The following SNX29 variants were observed in gnomAD, a reference collection of about 807,000 sequenced individuals.
SNX29 encodes the protein sorting nexin 29.
Under a neutral mutation model 102.1 loss-of-function variants are expected in SNX29, and 78 were observed. The observed-to-expected ratio is 0.76, with a 90% CI of 0.64 to 0.92. SNX29 has a LOEUF of 0.92. SNX29 is among the 40% of genes least tolerant of loss of function. The pLI is 0.00. For missense variants in SNX29, 1,280 were observed against 1,061.7 expected (o/e 1.21, Z -2.86); for synonymous variants, 580 against 414.5 (o/e 1.40, Z -4.85).
chr16:12,012,664 C>T (rs2056692989), intron 3 of SNX29, among the ~76,000 whole-genome samples: 1 of 152,082 alleles, frequency 6.6e-6, no homozygotes, highest in Non-Finnish European at 1.5e-5. Flanking sequence ...GCCTCGGCCT[C>T]CCAAAGTGCT....
At chr16:12,150,861 T>G (rs532326247) in intron 13 of SNX29, among the ~76,000 whole-genome samples, 15 of 152,314 alleles carry the variant, frequency 9.8e-5, no homozygotes, top group African/African-American at 3.4e-4. Flanking sequence ...TACGGTCATT[T>G]AACAGACAGA....
chr16:12,428,232 C>G (rs2085162353), intron 18 of SNX29, among the ~76,000 whole-genome samples: 1 of 152,150 alleles, frequency 6.6e-6, no homozygotes, highest in Non-Finnish European at 1.5e-5. Flanking sequence ...TGCATTTGGA[C>G]TGCAAATAAG....
intron 1 of SNX29, among the ~76,000 whole-genome samples, chr16:11,981,772 C>G (rs1487116039): frequency 6.6e-6 from 1 of 152,076 alleles, no homozygotes; most frequent in Non-Finnish European, 1.5e-5. Context: ...CCAGAAACAA[C>G]TAAGATGACC....
chr16:12,366,794 T>C (rs2082499622), intron 16 of SNX29, among the ~76,000 whole-genome samples: 1 of 152,064 alleles, frequency 6.6e-6, no homozygotes, highest in Non-Finnish European at 1.5e-5. Flanking sequence ...TCTCCCTCTC[T>C]CTCCTTTTGT....
At chr16:12,010,119 G>T (rs2056597947) in intron 3 of SNX29, among the ~76,000 whole-genome samples, 3 of 152,194 alleles carry the variant, frequency 2.0e-5, no homozygotes, top group Admixed American at 2.0e-4. Flanking sequence ...ACTTCAGAGG[G>T]TTGTTATGAG....
At chr16:12,504,240 T>C (rs552389759) in intron 19 of SNX29, among the ~76,000 whole-genome samples, 1 of 152,356 alleles carries the variant, frequency 6.6e-6, no homozygotes, top group East Asian at 1.9e-4. Context: ...TCATTCCTTT[T>C]TTAAAAGATA....
chr16:12,251,115 T>A (rs2078408085), intron 14 of SNX29, among the ~76,000 whole-genome samples: 1 of 152,184 alleles, frequency 6.6e-6, no homozygotes, highest in African/African-American at 2.4e-5. Context: ...AAGGCAAACT[T>A]CCTGGGTTGG....
intron 16 of SNX29, among the ~76,000 whole-genome samples, chr16:12,387,576 A>G (rs1412890059): frequency 6.6e-6 from 1 of 152,180 alleles, no homozygotes; most frequent in African/African-American, 2.4e-5. Context: ...TTGAGTGCTT[A>G]TTATTGTGCA....
chr16:12,231,187 T>A (rs959831827), intron 14 of SNX29, among the ~76,000 whole-genome samples: 2 of 152,080 alleles, frequency 1.3e-5, no homozygotes, highest in African/African-American at 4.8e-5. Context: ...ACTGTCTGAT[T>A]AGGAAACAGA....
intron 4 of SNX29, among the ~76,000 whole-genome samples, chr16:12,032,283 C>T (rs1236398426): frequency 6.6e-6 from 1 of 151,332 alleles, no homozygotes; most frequent in African/African-American, 2.4e-5. Context: ...TCTCAGCTCA[C>T]CACAACCTCC....
At chr16:12,462,363 A>G (rs892173109) in intron 18 of SNX29, among the ~76,000 whole-genome samples, 4 of 152,062 alleles carry the variant, frequency 2.6e-5, no homozygotes, top group African/African-American at 7.2e-5. Context: ...GTATCTGGGG[A>G]GAAGAGGGAG....
At position 12,572,179 on chromosome 16, in the gene SNX29, T is replaced by C. The variant is rs2141592866; in HGVS notation, c.*3550T>C. 3 of 973,602 alleles carry C rather than the reference T, an allele frequency of 3.1e-6. No individual in the cohort carries two copies. The highest frequency in any genetic ancestry group is 3.8e-6 in the Non-Finnish European group (3 of 796,588). The allele number at this position is 973,602 out of a possible 1,614,324, so 60.3% of individuals were successfully genotyped here. Reference sequence around the variant, plus strand: ...CAATTTTGATAACCATGTAATTTCTTAGAACCATGGCAGGTAGTATTGTGC... The same window carrying C: ...CAATTTTGATAACCATGTAATTTCTCAGAACCATGGCAGGTAGTATTGTGC... On this transcript the variant is annotated 3_prime_UTR_variant, in exon 21 of 21. Coordinates refer to ENST00000566228, the MANE Select transcript of SNX29 (RefSeq NM_032167.5).
intron 19 of SNX29, among the ~76,000 whole-genome samples, chr16:12,522,885 A>T (rs887759798): frequency 6.6e-6 from 1 of 152,128 alleles, no homozygotes; most frequent in East Asian, 1.9e-4. Flanking sequence ...ATCATAGTGC[A>T]CCGTGCACTC....
At chr16:12,491,352 C>T (rs1406397527) in intron 19 of SNX29, among the ~76,000 whole-genome samples, 1 of 152,202 alleles carries the variant, frequency 6.6e-6, no homozygotes, top group Non-Finnish European at 1.5e-5. Flanking sequence ...CCAAATTGTA[C>T]TCCAAGATGG....
At chr16:12,084,662 C>T (rs1001030493) in intron 11 of SNX29, among the ~76,000 whole-genome samples, 4 of 152,174 alleles carry the variant, frequency 2.6e-5, no homozygotes, top group Admixed American at 2.6e-4. Context: ...TGGCCCCAGC[C>T]CCCTCAGTAC....
rs189730227 is a variant in SNX29 at position 11,986,281 on chromosome 16, C to T, written c.7+9468C>T. Among the ~76,000 whole-genome samples the T allele has an allele frequency of 7.9e-5, 12 of 151,556 alleles. No individual in the cohort carries two copies. The East Asian group carries it at 1.2e-3, about 15-fold the overall frequency. ...TCCTCTGCTCACCCAGGCAGTACCCCGCTTCCTCCGAGGAGGGAAACTTGC... is the reference window on the plus strand; with the variant it reads ...TCCTCTGCTCACCCAGGCAGTACCCTGCTTCCTCCGAGGAGGGAAACTTGC... On this transcript the variant is annotated intron_variant, in intron 1 of 20. Transcript: ENST00000566228.
Position 12,568,413 on chromosome 16 carries a change from C to G in SNX29, c.2319-93C>G, listed in dbSNP as rs77085728. The G allele has an allele frequency of 5.9e-6, 9 of 1,520,486 alleles. No individual in the cohort carries two copies. The Admixed American group carries it at 7.5e-5, about 13-fold the overall frequency. The allele number at this position is 1,520,486 out of a possible 1,614,324, so 94.2% of individuals were successfully genotyped here. A position where few individuals can be genotyped will look rare whatever the true frequency, so the allele number is the denominator to read the frequency against. On this transcript the variant is annotated intron_variant, in intron 20 of 20. Transcript: ENST00000566228. ...AGCCAGTCACAGTTGCCAATCAGAT[C>G]CCTCCTGCCCTCACACCTGGCTCCC...
intron 18 of SNX29, among the ~76,000 whole-genome samples, chr16:12,427,477 C>G (rs1045620073): frequency 4.0e-5 from 6 of 151,612 alleles, no homozygotes; most frequent in Non-Finnish European, 7.4e-5. Context: ...CTCAGTTTAC[C>G]TTGAAGCCAG....
rs895594668 is a variant in SNX29 at position 12,267,370 on chromosome 16, G to T, written c.1679-10563G>T. Among the ~76,000 whole-genome samples, 15 of 152,056 alleles carry T rather than the reference G, an allele frequency of 9.9e-5. 1 individual carries two copies. Among genetic ancestry groups the T allele is most frequent in the African/African-American group, 3.6e-4 (15 of 41,402 alleles). On this transcript the variant is annotated intron_variant, in intron 14 of 20. Coordinates refer to ENST00000566228, the MANE Select transcript of SNX29 (RefSeq NM_032167.5). ...AGCAGGCTGGGGTTTTCATCACTGG[G>T]TTCATCATTGACAGCATTTTCTAAA...
Sources: gnomAD v4.1 joint callset for allele counts (sites outside exome capture counted in the v4.1 genomes callset) on GRCh38, gnomAD v4.1.1 for gene constraint, MANE v1.5 for transcripts, NCBI Gene and HGNC (gene_info 2026-07-23, HGNC 2026-07-21) for gene names.